DPYSL5: variants seen among roughly 807,000 people sequenced by gnomAD.
DPYSL5 encodes dihydropyrimidinase like 5, also known as dihydropyrimidinase-related protein 5.
In DPYSL5, 9 loss-of-function variants were observed where a neutral mutation model predicts 58.4. That is an observed-to-expected ratio of 0.15 (90% CI 0.09 to 0.27). The LOEUF is 0.27. Among genes scored for constraint, DPYSL5 ranks in the 10% least tolerant of loss-of-function variants. The pLI is 1.00. For missense variants in DPYSL5, 499 were observed against 770.6 expected, an observed-to-expected ratio of 0.65 and a Z score of 4.17; for synonymous variants, 293 against 301.9, an observed-to-expected ratio of 0.97 and a Z score of 0.31.
intron 1 of DPYSL5, among the ~76,000 whole-genome samples, chr2:26,875,279 C>T (rs141070314): frequency 3.3e-5 from 5 of 152,240 alleles, no homozygotes; most frequent in Admixed American, 1.3e-4. Context: ...ATACCCATGA[C>T]GGCAGAGACA....
intron 1 of DPYSL5, among the ~76,000 whole-genome samples, chr2:26,870,665 A>G (rs1663238444): frequency 6.6e-6 from 1 of 151,136 alleles, no homozygotes; most frequent in Admixed American, 6.6e-5. Flanking sequence ...ATGATCCGCC[A>G]CTGCACTCCA....
rs537957292 is a variant in DPYSL5, at chr2:26,927,942, C to A, written c.601-313C>A. The stretch of plus-strand genomic sequence containing the variant: ...AGTCTCGATTTCCAGAGAGGGAATT[C>A]TGAGTTTGAAATCAGTAAAGAGTGC... On this transcript the variant is annotated intron_variant, in intron 4 of 12. Coordinates refer to ENST00000288699, the MANE Select transcript of DPYSL5 (RefSeq NM_020134.4). The surrounding 1 kb of genome is among the most constrained non-coding windows in gnomAD (Gnocchi z 4.3). 1.8e-4 allele frequency among the ~76,000 whole-genome samples: 27 copies of A among 152,158 alleles called. No homozygotes were observed. Among genetic ancestry groups the A allele is most frequent in the Admixed American group, 1.2e-3 (19 of 15,266 alleles).
At position 26,927,526 on chromosome 2, in the gene DPYSL5, G is replaced by C; in HGVS notation, c.600+94G>C. 1 of 1,464,884 alleles carries C rather than the reference G, an allele frequency of 6.8e-7. No homozygotes were observed. Among genetic ancestry groups the C allele is most frequent in the South Asian group, 1.3e-5 (1 of 74,126 alleles). The allele number at this position is 1,464,884 out of a possible 1,614,324, so 90.7% of individuals were successfully genotyped here. Reference sequence around the variant, plus strand: ...TGACCACCCGTCACTGATCCCACAGGATTCAGACAAAATCAGTTGTTAAAG... The same window carrying C: ...TGACCACCCGTCACTGATCCCACAGCATTCAGACAAAATCAGTTGTTAAAG... On this transcript the variant is annotated intron_variant, in intron 4 of 12. Coordinates refer to ENST00000288699, the MANE Select transcript of DPYSL5 (RefSeq NM_020134.4). This position sits in a 1 kb window ranked among gnomAD's most constrained non-coding sequence, Gnocchi z 4.3.
chr2:26,912,170 C>G (rs1189992762), intron 2 of DPYSL5, among the ~76,000 whole-genome samples: 2 of 152,214 alleles, frequency 1.3e-5, no homozygotes, highest in Non-Finnish European at 2.9e-5. Context: ...TTGAAGGCCC[C>G]TCGGGCAGAT....
At chr2:26,863,055 A>T (rs562079598) in intron 1 of DPYSL5, among the ~76,000 whole-genome samples, 2 of 152,200 alleles carry the variant, frequency 1.3e-5, no homozygotes, top group East Asian at 3.9e-4. Flanking sequence ...ACACAGCGGG[A>T]GGAGAGGCTC....
At chr2:26,853,464 T>C (rs1389989558) in intron 1 of DPYSL5, among the ~76,000 whole-genome samples, 1 of 152,174 alleles carries the variant, frequency 6.6e-6, no homozygotes, top group African/African-American at 2.4e-5. Context: ...TATCCTCATT[T>C]TACAAATGAG....
rs565248003 is a variant in DPYSL5, at chr2:26,914,198, CCATGTCTGTTTCA to C, written c.262-10684_262-10672del. Reference sequence around the variant, plus strand: ...GGTCTCTCAAAAACTGAGAAGATGACCATGTCTGTTTCACATGGCTGTGAAGATTAGATGGGAG... The same window carrying C: ...GGTCTCTCAAAAACTGAGAAGATGACCATGGCTGTGAAGATTAGATGGGAG... On this transcript the variant is annotated intron_variant, in intron 2 of 12. Transcript: ENST00000288699. Among the ~76,000 whole-genome samples, 223 of 152,306 alleles carry C rather than the reference CCATGTCTGTTTCA, an allele frequency of 1.5e-3. 1 individual carries two copies. The highest frequency in any genetic ancestry group is 5.1e-3 in the African/African-American group (212 of 41,566).
At chr2:26,850,985 T>C (rs1434058) in intron 1 of DPYSL5, among the ~76,000 whole-genome samples, 73,961 of 151,612 alleles carry the variant, frequency 0.49, 19,700 homozygotes, top group African/African-American at 0.71. Flanking sequence ...TACACACATA[T>C]ATATATACAC....
At chr2:26,853,063 C>T (rs891212928) in intron 1 of DPYSL5, among the ~76,000 whole-genome samples, 2 of 152,194 alleles carry the variant, frequency 1.3e-5, no homozygotes, top group Non-Finnish European at 2.9e-5. Context: ...AAAACTCCCA[C>T]CCTTGCAAAT....
At chr2:26,915,421 T>C (rs1664537601) in intron 2 of DPYSL5, among the ~76,000 whole-genome samples, 1 of 152,158 alleles carries the variant, frequency 6.6e-6, no homozygotes, top group Admixed American at 6.5e-5. Flanking sequence ...AACCGAGTAA[T>C]GCAAATGTCG....
intron 1 of DPYSL5, among the ~76,000 whole-genome samples, chr2:26,890,588 G>A (rs1246187833): frequency 6.6e-6 from 1 of 152,208 alleles, no homozygotes. Context: ...ACACTGCGGT[G>A]TCTCTACTGA....
rs1481215216 is a variant in DPYSL5 at position 26,849,071 on chromosome 2, G to C, written c.-5+817G>C. On this transcript the variant is annotated intron_variant, in intron 1 of 12. Coordinates refer to ENST00000288699, the MANE Select transcript of DPYSL5 (RefSeq NM_020134.4). This position sits in a 1 kb window ranked among gnomAD's most constrained non-coding sequence, Gnocchi z 6.2. ...AAAGATGGGGATGGGGAAGGCTGGG[G>C]AGCTGGGTTAGGACAGGTAGTGGGT... Among the ~76,000 whole-genome samples, 1 of 151,900 alleles carries C rather than the reference G, an allele frequency of 6.6e-6. No individual in the cohort carries two copies. Among genetic ancestry groups the C allele is most frequent in the African/African-American group, 2.4e-5 (1 of 41,380 alleles).
rs548058538 is a variant in DPYSL5 at position 26,942,826 on chromosome 2, T to C, written c.1440+76T>C. 6.6e-7 allele frequency: 1 copy of C among 1,521,254 alleles called. No homozygotes were observed. Among genetic ancestry groups the C allele is most frequent in the East Asian group, 2.3e-5 (1 of 43,776 alleles). 94.2% of individuals were successfully genotyped at this position (1,521,254 alleles called of 1,614,324 possible). On this transcript the variant is annotated intron_variant, in intron 11 of 12. Coordinates refer to ENST00000288699, the MANE Select transcript of DPYSL5 (RefSeq NM_020134.4). This position sits in a 1 kb window ranked among gnomAD's most constrained non-coding sequence, Gnocchi z 5.9. ...ACATCCTCCATGACTGTTTTAAATC[T>C]CAAAGAGATGTTCACTCCAGTTTTC...
chr2:26,905,230 G>A lies in DPYSL5; in HGVS notation c.261+6470G>A, dbSNP rs969121191. Among the ~76,000 whole-genome samples, 10 of 152,280 alleles carry A rather than the reference G, an allele frequency of 6.6e-5. No individual in the cohort carries two copies. Among genetic ancestry groups the A allele is most frequent in the South Asian group, 2.1e-4 (1 of 4,826 alleles). ...GCTGCTCCTCCCTGCAGGAATAACT[G>A]ATGTCAGCGCCTTAGAGCTAAACAG... On this transcript the variant is annotated intron_variant, in intron 2 of 12. Transcript: ENST00000288699. The surrounding 1 kb of genome is among the most constrained non-coding windows in gnomAD (Gnocchi z 4.0).
intron 9 of DPYSL5, among the ~76,000 whole-genome samples, chr2:26,940,561 C>T (rs1665291112): frequency 1.3e-5 from 2 of 149,286 alleles, no homozygotes; most frequent in South Asian, 4.2e-4. Flanking sequence ...CTCATGGGCT[C>T]AAGCTATCCT....
intron 1 of DPYSL5, among the ~76,000 whole-genome samples, chr2:26,895,410 G>T (rs1224040258): frequency 2.6e-5 from 4 of 152,082 alleles, no homozygotes; most frequent in African/African-American, 9.7e-5. Context: ...TTGGCATTTT[G>T]TAGTTTTCAG....
At position 26,944,919 on chromosome 2, in the gene DPYSL5, C is replaced by G. The variant is rs910974698; in HGVS notation, c.1609+95C>G. ...TACGCCTGCTTTTCTTTTGTGTCCT[C>G]TCCTCCCTCCCGTTGCCTATTTCCA... On this transcript the variant is annotated intron_variant, in intron 12 of 12. Transcript: ENST00000288699. This position sits in a 1 kb window ranked among gnomAD's most constrained non-coding sequence, Gnocchi z 4.4. 10 of 1,202,292 alleles carry G rather than the reference C, an allele frequency of 8.3e-6. No homozygotes were observed. The Admixed American group carries it at 2.1e-4, about 25-fold the overall frequency. The allele number at this position is 1,202,292 out of a possible 1,614,324, so 74.5% of individuals were successfully genotyped here.
intron 1 of DPYSL5, among the ~76,000 whole-genome samples, chr2:26,856,100 T>A (rs977132893): frequency 6.6e-6 from 1 of 152,104 alleles, no homozygotes; most frequent in Non-Finnish European, 1.5e-5. Flanking sequence ...TAGTAAAGTA[T>A]AACAGATAAA....
chr2:26,931,199 G>GTATATATATA lies in DPYSL5; in HGVS notation c.670-440_670-439insATATATATAT, dbSNP rs1287075956. On this transcript the variant is annotated intron_variant, in intron 5 of 12. Transcript: ENST00000288699. Reference sequence around the variant, plus strand: ...TGTGTGTGTGTGTGTGTGTGTGTGTGTGTGTATATATATATATATATATAT... The same window carrying GTATATATATA: ...TGTGTGTGTGTGTGTGTGTGTGTGTGTATATATATATGTGTATATATATATATATATATAT... Among the ~76,000 whole-genome samples the GTATATATATA allele has an allele frequency of 5.4e-3, 283 of 52,790 alleles. 4 individuals are homozygous for GTATATATATA. The highest frequency in any genetic ancestry group is 8.7e-3 in the African/African-American group (143 of 16,478). 34.6% of individuals were successfully genotyped at this position (52,790 alleles called of 152,430 possible).
Sources: gnomAD v4.1 joint callset for allele counts (sites outside exome capture counted in the v4.1 genomes callset) on GRCh38, gnomAD v4.1.1 for gene constraint, Gnocchi (gnomAD v3.1) non-coding constraint, MANE v1.5 for transcripts, NCBI Gene and HGNC (gene_info 2026-07-23, HGNC 2026-07-21) for gene names.